The following TMEM163 variants were observed in gnomAD, a reference collection of about 807,000 sequenced individuals.
TMEM163 encodes the protein transmembrane protein 163.
Under a neutral mutation model 29.3 loss-of-function variants are expected in TMEM163, and 17 were observed. The ratio of observed to expected loss-of-function variants is 0.58; its 90% confidence interval spans 0.40 to 0.87. The LOEUF is 0.87. TMEM163 is among the 40% of genes least tolerant of loss of function. The pLI is 0.00. For synonymous variants in TMEM163, 157 were observed against 160.6 expected (o/e 0.98, Z 0.17); for missense variants, 303 against 381.5 (o/e 0.79, Z 1.71).
intron 4 of TMEM163, among the ~76,000 whole-genome samples, chr2:134,526,969 G>A (rs548975427): frequency 6.6e-6 from 1 of 152,276 alleles, no homozygotes; most frequent in South Asian, 2.1e-4. Flanking sequence ...CAGATAAACA[G>A]ATGAAGTCTC....
intron 2 of TMEM163, among the ~76,000 whole-genome samples, chr2:134,617,025 C>T (rs35865359): frequency 0.16 from 24,401 of 151,972 alleles, 2,287 homozygotes; most frequent in Middle Eastern, 0.39. Context: ...AGTAATCATG[C>T]GGGCAAAAAT....
intron 2 of TMEM163, among the ~76,000 whole-genome samples, chr2:134,695,660 T>C (rs1425540789): frequency 6.6e-6 from 1 of 152,234 alleles, no homozygotes; most frequent in African/African-American, 2.4e-5. Flanking sequence ...TTAGTCAGCT[T>C]GAAGTTAAAT....
At chr2:134,518,220 A>G (rs1680116307) in intron 4 of TMEM163, among the ~76,000 whole-genome samples, 1 of 152,246 alleles carries the variant, frequency 6.6e-6, no homozygotes, top group African/African-American at 2.4e-5. Flanking sequence ...CACATTAATG[A>G]TTCATCTTAG....
chr2:134,505,643 C>T (rs138227090), intron 4 of TMEM163, among the ~76,000 whole-genome samples: 6 of 152,306 alleles, frequency 3.9e-5, no homozygotes, highest in African/African-American at 1.4e-4. Flanking sequence ...GAGCTTCCAT[C>T]TCCATACTCC....
chr2:134,462,437 A>G (rs539214696), intron 6 of TMEM163, among the ~76,000 whole-genome samples: 1 of 152,264 alleles, frequency 6.6e-6, no homozygotes, highest in South Asian at 2.1e-4. Context: ...AAGCCCTGCC[A>G]TGCTCTGTCC....
At chr2:134,559,551 G>A (rs1681121003) in intron 2 of TMEM163, among the ~76,000 whole-genome samples, 1 of 152,014 alleles carries the variant, frequency 6.6e-6, no homozygotes, top group African/African-American at 2.4e-5. Flanking sequence ...CACCCTCCGG[G>A]GCTCTGCCTG....
At chr2:134,516,518 G>C (rs370817992) in intron 4 of TMEM163, among the ~76,000 whole-genome samples, 2 of 151,122 alleles carry the variant, frequency 1.3e-5, no homozygotes, top group Non-Finnish European at 2.9e-5. Context: ...CTGAGATTGC[G>C]CCACTGCACT....
intron 2 of TMEM163, among the ~76,000 whole-genome samples, chr2:134,625,740 G>A (rs577410460): frequency 1.3e-5 from 2 of 152,288 alleles, no homozygotes; most frequent in East Asian, 1.9e-4. Flanking sequence ...AAGGGACTAC[G>A]ACACAGGACA....
chr2:134,536,327 T>A (rs1680539470), intron 4 of TMEM163, among the ~76,000 whole-genome samples: 1 of 152,144 alleles, frequency 6.6e-6, no homozygotes, highest in African/African-American at 2.4e-5. Flanking sequence ...GGGCTCCCCG[T>A]CCAGCTTGCT....
intron 2 of TMEM163, among the ~76,000 whole-genome samples, chr2:134,668,719 T>C (rs1007534136): frequency 2.6e-5 from 4 of 151,586 alleles, no homozygotes; most frequent in South Asian, 2.1e-4. Context: ...AGTAAGCACA[T>C]AGTTAACTGA....
rs1186704754 is a variant in TMEM163 at position 134,494,462 on chromosome 2, G to A, written c.555+8439C>T. ...CTTTCTATTGCTGACGGCGGATCTC[G>A]GAATTATAGGTTATGCTCAAGAAGG... On this transcript the variant is annotated intron_variant, in intron 5 of 7. Transcript: ENST00000281924. 7.9e-5 allele frequency among the ~76,000 whole-genome samples: 12 copies of A among 152,254 alleles called. No homozygotes were observed. In the East Asian group the frequency reaches 9.7e-4, roughly 12 times the overall value.
chr2:134,679,453 G>A (rs1174428732), intron 2 of TMEM163, among the ~76,000 whole-genome samples: 1 of 151,912 alleles, frequency 6.6e-6, no homozygotes, highest in East Asian at 1.9e-4. Context: ...CCTTGCCTAG[G>A]CCACCCACTT....
rs776302758 is a variant in TMEM163, at chr2:134,461,336, GATC to G, written c.668-3166_668-3164del. On this transcript the variant is annotated intron_variant, in intron 6 of 7. Transcript: ENST00000281924. The stretch of plus-strand genomic sequence containing the variant: ...TTAAAAGTTTCTTGTGTGCTTGAAA[GATC>G]ATCATAGATGGGGTATTTGAGAACT... Among the ~76,000 whole-genome samples the G allele has an allele frequency of 2.1e-3, 324 of 152,222 alleles. 3 individuals carry two copies. The highest frequency in any genetic ancestry group is 0.014 in the Middle Eastern group (4 of 294).
At chr2:134,556,337 C>T (rs970827891) in intron 2 of TMEM163, among the ~76,000 whole-genome samples, 8 of 152,182 alleles carry the variant, frequency 5.3e-5, no homozygotes, top group African/African-American at 1.9e-4. Context: ...ACCCAGTAAT[C>T]CCATGCCCAA....
chr2:134,694,055 T>A (rs573891366), intron 2 of TMEM163, among the ~76,000 whole-genome samples: 1 of 152,252 alleles, frequency 6.6e-6, no homozygotes, highest in African/African-American at 2.4e-5. Context: ...CTTTTCTGAG[T>A]CTTAAAATCC....
intron 6 of TMEM163, among the ~76,000 whole-genome samples, chr2:134,464,121 G>A (rs1174020361): frequency 6.6e-6 from 1 of 152,214 alleles, no homozygotes; most frequent in African/African-American, 2.4e-5. Context: ...CTCAACCCCA[G>A]GAGCAAGGTG....
intron 2 of TMEM163, among the ~76,000 whole-genome samples, chr2:134,661,311 C>T (rs1472860601): frequency 6.6e-6 from 1 of 152,198 alleles, no homozygotes; most frequent in Non-Finnish European, 1.5e-5. Context: ...AAATAAATTT[C>T]TGTTCTTTAT....
At position 134,456,678 on chromosome 2, in the gene TMEM163, T is replaced by A. The variant is rs1558907946; in HGVS notation, c.*38A>T. ...TGGCACCCTTTGCCTATGTGGAAAC[T>A]CCTCATCTCGATGGTCTCATGCGGA... On this transcript the variant is annotated 3_prime_UTR_variant, in exon 8 of 8. Coordinates refer to ENST00000281924, the MANE Select transcript of TMEM163 (RefSeq NM_030923.5). 6.2e-7 allele frequency: 1 copy of A among 1,611,280 alleles called. No homozygotes were observed. Among genetic ancestry groups the A allele is most frequent in the Non-Finnish European group, 8.5e-7 (1 of 1,178,650 alleles).
At chr2:134,525,908 G>C (rs557241408) in intron 4 of TMEM163, among the ~76,000 whole-genome samples, 1 of 152,332 alleles carries the variant, frequency 6.6e-6, no homozygotes, top group South Asian at 2.1e-4. Flanking sequence ...TTAGGTGGAA[G>C]GCAACAAGGA....
Sources: allele counts gnomAD v4.1 joint callset (sites outside exome capture counted in the v4.1 genomes callset), GRCh38; gene constraint gnomAD v4.1.1; transcripts MANE v1.5; gene names NCBI Gene and HGNC (gene_info 2026-07-23, HGNC 2026-07-21).